NID1: variants seen among roughly 807,000 people sequenced by gnomAD.
The protein encoded by NID1 is nidogen-1.
NID1 carries 76 observed loss-of-function variants against 130.6 expected under a neutral mutation model. The observed-to-expected ratio is 0.58, with a 90% CI of 0.48 to 0.70. NID1 has a LOEUF of 0.70. Ranked by LOEUF, NID1 falls within the 30% of genes least tolerant of loss-of-function variation. The probability of loss-of-function intolerance (pLI) is 0.00; values close to 1 mark genes in which losing one functional copy is unlikely to be tolerated. For synonymous variants in NID1, 665 were observed against 675.1 expected, an observed-to-expected ratio of 0.98 and a Z score of 0.23; for missense variants, 1,517 against 1,664.8, an observed-to-expected ratio of 0.91 and a Z score of 1.54.
At chr1:236,000,694 C>A (rs1485731694) in intron 12 of NID1, among the ~76,000 whole-genome samples, 1 of 152,196 alleles carries the variant, frequency 6.6e-6, no homozygotes, top group Non-Finnish European at 1.5e-5. Context: ...GTCTCAGATA[C>A]TTTTTGGTTT....
chr1:235,978,646 C>A, intron 19 of NID1, among the ~76,000 whole-genome samples: 1 of 152,178 alleles, frequency 6.6e-6, no homozygotes, highest in African/African-American at 2.4e-5. Flanking sequence ...GTTTTCAATT[C>A]TTATTATTAA....
chr1:236,012,558 C>CA (rs56183830), intron 11 of NID1, among the ~76,000 whole-genome samples: 986 of 97,738 alleles, frequency 0.01, 13 homozygotes, highest in Non-Finnish European at 0.013. Context: ...AATGCCATCT[C>CA]AAAAAAAAAA....
intron 5 of NID1, among the ~76,000 whole-genome samples, chr1:236,035,942 CA>C (rs1160636077): frequency 4.6e-5 from 7 of 152,010 alleles, no homozygotes; most frequent in African/African-American, 1.7e-4. Flanking sequence ...GAGCTAGAAA[CA>C]TTTTTTTTTT....
rs1244981344 is a variant in NID1 at position 236,065,051 on chromosome 1, G to T, written c.29C>A (p.Ala10Asp). The T allele has an allele frequency of 1.3e-6, 2 of 1,552,982 alleles. No homozygotes were observed. The highest frequency in any genetic ancestry group is 8.7e-7 in the Non-Finnish European group (1 of 1,148,366). ...CAGCAGCAGCGCCCGCGTCCACGCA[G>T]CCCGGATCCGGCTGCTCGAGGCCAA... MLASSSRIR[A>D]AWTRALLLPL... is the part of the protein sequence containing the mutation. Residue 10 changes from alanine to aspartate, a missense_variant, in exon 1 of 20, where the codon GCT (alanine) becomes GAT (aspartate). By Grantham distance (126) the Ala-to-Asp change is moderately radical. Around this residue, in one of 3 missense-constraint regions of NID1, gnomAD observed 1,329 missense variants for 1,429.2 expected, o/e 0.93. Coordinates refer to ENST00000264187, the MANE Select transcript of NID1 (RefSeq NM_002508.3). The surrounding 1 kb of genome is among the most constrained non-coding windows in gnomAD (Gnocchi z 4.1).
At chr1:236,039,084 A>G (rs1408872335) in intron 4 of NID1, among the ~76,000 whole-genome samples, 1 of 142,404 alleles carries the variant, frequency 7.0e-6, no homozygotes, top group Non-Finnish European at 1.5e-5. Context: ...TATTTACATT[A>G]TAAATATTTA....
At chr1:236,058,298 T>C (rs757700323) in intron 1 of NID1, among the ~76,000 whole-genome samples, 7 of 152,240 alleles carry the variant, frequency 4.6e-5, no homozygotes, top group Non-Finnish European at 8.8e-5. Flanking sequence ...CAGCTCACTA[T>C]GTGGCTAGTA....
intron 1 of NID1, among the ~76,000 whole-genome samples, chr1:236,063,220 C>A (rs1660092587): frequency 6.7e-6 from 1 of 150,084 alleles, no homozygotes; most frequent in Non-Finnish European, 1.5e-5. Context: ...GCCTGTAATC[C>A]CAGCACTTTG....
rs34770121 is a variant in NID1, at chr1:236,017,572, G to GA, written c.2129-300dup. Among the ~76,000 whole-genome samples the GA allele has an allele frequency of 0.27, 41,710 of 151,952 alleles. 6,537 individuals are homozygous for GA. The highest frequency in any genetic ancestry group is 0.36 in the Non-Finnish European group (24,304 of 67,912). ...GGCCAATTTTTGTATTTTTAGTAGA[G>GA]ATGAGGTTTCAGCATGTTGGCCAGG... On this transcript the variant is annotated intron_variant, in intron 9 of 19. Coordinates refer to ENST00000264187, the MANE Select transcript of NID1 (RefSeq NM_002508.3).
In NID1 at chr1:236,026,081, G is replaced by C; in HGVS notation, c.1799C>G (p.Ser600Cys). The C allele has an allele frequency of 1.9e-6, 3 of 1,614,034 alleles. No homozygotes were observed. Among genetic ancestry groups the C allele is most frequent in the Non-Finnish European group, 2.5e-6 (3 of 1,180,026 alleles). ...CTGGTAAGTGTAGATGCGTGAAGGA[G>C]ATGCCCCATCTCGCTCGGGCTCAGT... ...TVTEPERDGA[S>C]PSRIYTYQWR... The change falls in exon 8 of 20, where the codon TCT becomes TGT. Residue 600 changes from serine (S) to cysteine (C), a missense_variant. Physicochemically the swap from Ser to Cys is moderately radical, Grantham distance 112. This residue lies in a region of NID1 where 1,329 missense variants were observed against 1,429.2 expected (regional missense o/e 0.93). Coordinates refer to ENST00000264187, the MANE Select transcript of NID1 (RefSeq NM_002508.3).
At chr1:235,991,156 C>T in intron 13 of NID1, 98 bp from the exon 14 acceptor site, 2 of 996,780 alleles carry the variant, frequency 2.0e-6, no homozygotes, top group South Asian at 3.5e-5. Flanking sequence ...CATGCACACA[C>T]ATACACACAC....
At chr1:235,978,227 T>G (rs1657327328) in intron 19 of NID1, among the ~76,000 whole-genome samples, 1 of 152,244 alleles carries the variant, frequency 6.6e-6, no homozygotes, top group South Asian at 2.1e-4. Context: ...TTATGCAGAT[T>G]TTCTACTAAG....
chr1:236,064,726 G>A (rs1432076825), intron 1 of NID1, 129 bp downstream of exon 1: 2 of 754,384 alleles, frequency 2.7e-6, no homozygotes, highest in African/African-American at 3.7e-5. Context: ...ACCCTGCGCC[G>A]TGCCCGGTGC....
In NID1 at chr1:235,979,253, C is replaced by A. The variant is rs906960997; in HGVS notation, c.3510-146G>T. The stretch of plus-strand genomic sequence containing the variant: ...CTTCTTCCTAGACATCCCTTCCTTC[C>A]CCTGGGGTGGGTCAAGCCTGCATTT... On this transcript the variant is annotated intron_variant, in intron 18 of 19. Transcript: ENST00000264187. The surrounding 1 kb of genome is among the most constrained non-coding windows in gnomAD (Gnocchi z 4.6). The A allele has an allele frequency of 2.0e-5, 13 of 636,224 alleles. No individual in the cohort carries two copies. The highest frequency in any genetic ancestry group is 2.0e-4 in the African/African-American group (11 of 54,594). 39.4% of individuals were successfully genotyped at this position (636,224 alleles called of 1,614,324 possible).
At chr1:236,039,452 G>A (rs2102838036) in intron 4 of NID1, among the ~76,000 whole-genome samples, 1 of 151,920 alleles carries the variant, frequency 6.6e-6, no homozygotes, top group South Asian at 2.1e-4. Context: ...TAATTTGGAA[G>A]CACTTATACT....
At chr1:235,999,399 C>A (rs1438047032) in intron 12 of NID1, among the ~76,000 whole-genome samples, 2 of 151,938 alleles carry the variant, frequency 1.3e-5, no homozygotes, top group East Asian at 3.9e-4. Flanking sequence ...AATAGAATCT[C>A]AAGTGAGTTT....
chr1:235,979,021 G>A lies in NID1; in HGVS notation c.3596C>T (p.Thr1199Ile). 6.2e-7 allele frequency: 1 copy of A among 1,613,746 alleles called. No individual in the cohort carries two copies. The highest frequency in any genetic ancestry group is 8.5e-7 in the Non-Finnish European group (1 of 1,179,696). Residue 1199 changes from threonine (T) to isoleucine (I), a missense_variant, in exon 19 of 20, where the codon ACC becomes ATC. Around this residue, in one of 3 missense-constraint regions of NID1, gnomAD observed 181 missense variants for 211.3 expected, o/e 0.86. Transcript: ENST00000264187. This position sits in a 1 kb window ranked among gnomAD's most constrained non-coding sequence, Gnocchi z 4.6. ...PHKQTRLYGI[T>I]TALSQCPQGH... ...TTGCGGACACTGAGACAGGGCCGTG[G>A]TGATGCCATACAGCCGGGTCTGCTT...
chr1:236,055,132 G>A (rs1355634997), intron 1 of NID1, among the ~76,000 whole-genome samples: 4 of 151,978 alleles, frequency 2.6e-5, no homozygotes, highest in South Asian at 2.1e-4. Flanking sequence ...GTGAAACCCC[G>A]TCTCTACTAA....
chr1:236,003,448 A>G (rs1658146125), intron 12 of NID1, among the ~76,000 whole-genome samples: 1 of 152,194 alleles, frequency 6.6e-6, no homozygotes, highest in South Asian at 2.1e-4. Context: ...CAATGGGGCT[A>G]ATCGTACCAG....
chr1:236,049,967 C>T (rs1209980027), intron 1 of NID1, among the ~76,000 whole-genome samples: 2 of 149,496 alleles, frequency 1.3e-5, no homozygotes, highest in East Asian at 4.0e-4. Context: ...ACCCAGGAAG[C>T]GGAGGTTGCA....
Sources: gnomAD v4.1 joint callset for allele counts (sites outside exome capture counted in the v4.1 genomes callset) on GRCh38, gnomAD v4.1.1 for gene constraint, gnomAD v4.1.1 regional missense constraint, Gnocchi (gnomAD v3.1) non-coding constraint, MANE v1.5 for transcripts, NCBI Gene and HGNC (gene_info 2026-07-23, HGNC 2026-07-21) for gene names.